Variants in SAXO1 observed in about 807,000 individuals in gnomAD.
The protein encoded by SAXO1 is 4930500O09Rik.
A neutral mutation model predicts 17.5 loss-of-function variants in SAXO1; 21 were observed. The observed-to-expected ratio is 1.20, with a 90% CI of 0.85 to 1.72. The LOEUF (loss-of-function observed/expected upper bound fraction) is 1.72, where lower values mean the gene tolerates loss of function less well. Among genes scored for constraint, SAXO1 ranks in the 40% most tolerant of loss-of-function variants. The probability of loss-of-function intolerance (pLI) is 0.00; values close to 1 mark genes in which losing one functional copy is unlikely to be tolerated. For synonymous variants in SAXO1, 274 were observed against 216.5 expected (o/e 1.27, Z -2.33); for missense variants, 843 against 596.0 (o/e 1.41, Z -4.32).
intron 1 of SAXO1, among the ~76,000 whole-genome samples, chr9:18,991,015 T>C (rs1371902936): frequency 6.6e-6 from 1 of 152,156 alleles, no homozygotes; most frequent in Non-Finnish European, 1.5e-5. Context: ...CTCAGCACTT[T>C]GGGAGGCCAA....
chr9:19,018,457 G>C (rs1304482997), intron 1 of SAXO1, among the ~76,000 whole-genome samples: 1 of 152,162 alleles, frequency 6.6e-6, no homozygotes, highest in African/African-American at 2.4e-5. Context: ...GTGTGAAGTG[G>C]TACATTAGAA....
At chr9:19,045,284 T>A (rs1381588685) in intron 1 of SAXO1, among the ~76,000 whole-genome samples, 4 of 124,166 alleles carry the variant, frequency 3.2e-5, no homozygotes, top group African/African-American at 1.2e-4. Context: ...CAGTCCGCAG[T>A]CCGGCCTGGG....
At position 19,033,133 on chromosome 9, in the gene SAXO1, C is replaced by T. The variant is rs755957313; in HGVS notation, c.-225G>A. 8.3e-5 allele frequency: 40 copies of T among 482,128 alleles called. No homozygotes were observed. The highest frequency in any genetic ancestry group is 1.3e-4 in the Non-Finnish European group (36 of 274,294). 29.9% of individuals were successfully genotyped at this position (482,128 alleles called of 1,614,324 possible). A position where few individuals can be genotyped will look rare whatever the true frequency, so the allele number is the denominator to read the frequency against. The stretch of plus-strand genomic sequence containing the variant: ...AGCAGCAGGGGGCTTGCACGCGCGC[C>T]AGCCCGGGAGACCTCACCCTGCACG... On this transcript the variant is annotated 5_prime_UTR_variant, in exon 1 of 4. Coordinates refer to ENST00000380534, the MANE Select transcript of SAXO1 (RefSeq NM_153707.4).
At chr9:18,993,598 G>C (rs529293426) in intron 1 of SAXO1, among the ~76,000 whole-genome samples, 2 of 152,182 alleles carry the variant, frequency 1.3e-5, no homozygotes, top group Admixed American at 1.3e-4. Context: ...TGAAAACACA[G>C]AGGAGCACAG....
chr9:18,947,665 G>A (rs540957329), intron 2 of SAXO1: 1 of 152,134 alleles, frequency 6.6e-6, no homozygotes, highest in Non-Finnish European at 1.5e-5. Context: ...AATGAGGCTG[G>A]AAGTGCAAAC....
chr9:19,028,393 A>C (rs1835607162), intron 1 of SAXO1, among the ~76,000 whole-genome samples: 1 of 152,194 alleles, frequency 6.6e-6, no homozygotes, highest in Non-Finnish European at 1.5e-5. Context: ...ATAAAAAATA[A>C]AACTCTTCGG....
At chr9:18,968,360 A>G (rs921303494) in intron 1 of SAXO1, among the ~76,000 whole-genome samples, 1 of 152,196 alleles carries the variant, frequency 6.6e-6, no homozygotes. Context: ...TACATTTTTA[A>G]GAGATGCATG....
chr9:19,000,918 G>A (rs1416089099), intron 1 of SAXO1, among the ~76,000 whole-genome samples: 1 of 152,032 alleles, frequency 6.6e-6, no homozygotes, highest in Non-Finnish European at 1.5e-5. Flanking sequence ...CCCAATACAG[G>A]AGCACCCAGA....
chr9:18,928,719 T>G lies in SAXO1; in HGVS notation c.758A>C (p.Lys253Thr). ...AGGCCTGGCTAGAGGTTTCAAGCTC[T>G]TGGCAGGCTCCCCCATCAGGCCCCG... ...SYRGLMGEPA[K>T]SLKPLARPPG... The change falls in exon 4 of 4, where the codon AAG (lysine) becomes ACG (threonine). Residue 253 changes from lysine (K) to threonine (T), a missense_variant. By Grantham distance (78) the Lys-to-Thr change is moderately conservative. Transcript: ENST00000380534. 1.2e-6 allele frequency: 2 copies of G among 1,614,138 alleles called. No homozygotes were observed. Among genetic ancestry groups the G allele is most frequent in the Middle Eastern group, 1.6e-4 (1 of 6,062 alleles).
intron 1 of SAXO1, among the ~76,000 whole-genome samples, chr9:18,995,328 G>A (rs1322152300): frequency 1.3e-5 from 2 of 152,192 alleles, no homozygotes; most frequent in Non-Finnish European, 2.9e-5. Context: ...AGTCTCACTT[G>A]TGGGATAATT....
intron 1 of SAXO1, among the ~76,000 whole-genome samples, chr9:19,006,961 C>T (rs943854427): frequency 2.6e-5 from 4 of 152,056 alleles, no homozygotes; most frequent in Admixed American, 1.3e-4. Flanking sequence ...AGGACAATCA[C>T]GTGAACCCGG....
At chr9:18,971,617 GGAGGCTGGACTTC>G (rs1375695436) in intron 1 of SAXO1, among the ~76,000 whole-genome samples, 4 of 152,184 alleles carry the variant, frequency 2.6e-5, no homozygotes, top group African/African-American at 9.6e-5. Context: ...AAAACAAGTA[GGAGGCTGGACTTC>G]GAGTTTAATT....
chr9:19,000,125 C>T (rs896638083), intron 1 of SAXO1, among the ~76,000 whole-genome samples: 3 of 150,528 alleles, frequency 2.0e-5, no homozygotes, highest in Admixed American at 1.3e-4. Context: ...CACCTCTGTC[C>T]GGCTGTCCCA....
At chr9:19,002,482 G>T (rs1249999930) in intron 1 of SAXO1, among the ~76,000 whole-genome samples, 2 of 152,194 alleles carry the variant, frequency 1.3e-5, no homozygotes, top group Admixed American at 6.5e-5. Flanking sequence ...GAACATCGAT[G>T]CAAAAATTCT....
rs1483852266 is a variant in SAXO1, at chr9:19,027,591, G to C, written c.38+5280C>G. ...AAGGCCACCTTCCTAAAGCTGACTGGCCCCCAGCTGGTGCAGATGTTCACT... is the reference window on the plus strand; with the variant it reads ...AAGGCCACCTTCCTAAAGCTGACTGCCCCCCAGCTGGTGCAGATGTTCACT... On this transcript the variant is annotated intron_variant, in intron 1 of 3. Coordinates refer to ENST00000380534, the MANE Select transcript of SAXO1 (RefSeq NM_153707.4). The C allele has an allele frequency of 5.6e-6, 8 of 1,416,950 alleles. No individual in the cohort carries two copies. The African/African-American group carries it at 1.1e-4, about 20-fold the overall frequency. The allele number at this position is 1,416,950 out of a possible 1,614,324, so 87.8% of individuals were successfully genotyped here. A position where few individuals can be genotyped will look rare whatever the true frequency, so the allele number is the denominator to read the frequency against.
chr9:18,989,561 C>T (rs1238146781), intron 1 of SAXO1, among the ~76,000 whole-genome samples: 1 of 150,412 alleles, frequency 6.6e-6, no homozygotes, highest in African/African-American at 2.4e-5. Context: ...ATTATGCACA[C>T]ACACACACAC....
intron 1 of SAXO1, among the ~76,000 whole-genome samples, chr9:19,025,379 C>G (rs895345078): frequency 6.6e-6 from 1 of 151,568 alleles, no homozygotes; most frequent in Non-Finnish European, 1.5e-5. Context: ...TTTTTCCTTC[C>G]TCTTAATGTG....
intron 1 of SAXO1, among the ~76,000 whole-genome samples, chr9:18,986,082 C>A (rs1335273048): frequency 6.6e-6 from 1 of 152,120 alleles, no homozygotes; most frequent in Non-Finnish European, 1.5e-5. Context: ...AGCAGAGATC[C>A]TTAACTCAAA....
chr9:18,939,710 G>A (rs73648804), intron 3 of SAXO1, among the ~76,000 whole-genome samples: 1 of 152,196 alleles, frequency 6.6e-6, no homozygotes, highest in Non-Finnish European at 1.5e-5. Flanking sequence ...CAAGGCATCA[G>A]AGGAGGCAGA....
Sources: allele counts gnomAD v4.1 joint callset (sites outside exome capture counted in the v4.1 genomes callset), GRCh38; gene constraint gnomAD v4.1.1; transcripts MANE v1.5; gene names NCBI Gene and HGNC (gene_info 2026-07-23, HGNC 2026-07-21).